Variants in DNM3 observed in about 807,000 individuals in gnomAD.
The protein encoded by DNM3 is dynamin-3.
Under a neutral mutation model 101.6 loss-of-function variants are expected in DNM3, and 47 were observed. That is an observed-to-expected ratio of 0.46 (90% CI 0.37 to 0.59). DNM3 has a LOEUF of 0.59. Among genes scored for constraint, DNM3 ranks in the 20% least tolerant of loss-of-function variants. The pLI is 0.00. For missense variants in DNM3, 849 were observed against 1,085.7 expected, an observed-to-expected ratio of 0.78 and a Z score of 3.06; for synonymous variants, 385 against 387.9, an observed-to-expected ratio of 0.99 and a Z score of 0.09.
intron 6 of DNM3, 28 bp downstream of exon 6, chr1:172,033,293 A>G (rs1558456748): frequency 6.4e-7 from 1 of 1,558,924 alleles, no homozygotes; most frequent in Non-Finnish European, 8.7e-7. Flanking sequence ...AGCAACAAGA[A>G]CAATTATGAA....
chr1:171,946,399 T>A (rs528396126), intron 2 of DNM3, among the ~76,000 whole-genome samples: 3 of 152,304 alleles, frequency 2.0e-5, no homozygotes, highest in Non-Finnish European at 2.9e-5. Context: ...AGCAGTCAAC[T>A]TTTTTGGAAG....
chr1:172,058,958 A>G (rs1242905863), intron 10 of DNM3, among the ~76,000 whole-genome samples: 2 of 152,224 alleles, frequency 1.3e-5, no homozygotes, highest in Non-Finnish European at 2.9e-5. Flanking sequence ...CAAGACTAAT[A>G]AAGGAGAAAA....
intron 14 of DNM3, among the ~76,000 whole-genome samples, chr1:172,222,952 T>C (rs1025292776): frequency 2.0e-5 from 3 of 152,152 alleles, no homozygotes; most frequent in Non-Finnish European, 4.4e-5. Context: ...ATTTTGTTTT[T>C]TACACATAGT....
At chr1:172,206,527 CT>C (rs1553417234) in intron 14 of DNM3, among the ~76,000 whole-genome samples, 11 of 151,460 alleles carry the variant, frequency 7.3e-5, no homozygotes, top group African/African-American at 2.4e-4. Flanking sequence ...AATAATACTG[CT>C]TTTTTTTTCT....
At chr1:172,233,853 A>T (rs2061433262) in intron 14 of DNM3, among the ~76,000 whole-genome samples, 2 of 152,230 alleles carry the variant, frequency 1.3e-5, no homozygotes, top group South Asian at 2.1e-4. Context: ...CTTCACGCTA[A>T]AAACTCTCAA....
At chr1:171,972,870 AAC>A (rs1491116014) in intron 2 of DNM3, among the ~76,000 whole-genome samples, 2,628 of 37,312 alleles carry the variant, frequency 0.07, 103 homozygotes, top group African/African-American at 0.13. Context: ...AAAAAACAAA[AAC>A]AACAACAACA....
chr1:172,109,876 A>C (rs2055332353), intron 13 of DNM3, among the ~76,000 whole-genome samples: 1 of 152,232 alleles, frequency 6.6e-6, no homozygotes, highest in Non-Finnish European at 1.5e-5. Context: ...CAGCTTGGGA[A>C]GAATATGGGT....
intron 2 of DNM3, among the ~76,000 whole-genome samples, chr1:171,978,624 A>T (rs539637552): frequency 3.3e-5 from 5 of 152,322 alleles, no homozygotes; most frequent in Admixed American, 3.3e-4. Context: ...AAGGCTTTAA[A>T]CAGGGGAGAA....
chr1:172,409,092 A>C lies in DNM3; in HGVS notation c.*1251A>C, dbSNP rs2071073345. 1.0e-6 allele frequency: 1 copy of C among 985,242 alleles called. No homozygotes were observed. 61.0% of individuals were successfully genotyped at this position (985,242 alleles called of 1,614,324 possible). A position where few individuals can be genotyped will look rare whatever the true frequency, so the allele number is the denominator to read the frequency against. ...AGTTTAGCCTGGGGGTTAATAGTTAAGTCTTGAGGCTAAGTTTTGGACTAC... is the reference window on the plus strand; with the variant it reads ...AGTTTAGCCTGGGGGTTAATAGTTACGTCTTGAGGCTAAGTTTTGGACTAC... On this transcript the variant is annotated 3_prime_UTR_variant, in exon 21 of 21. Transcript: ENST00000627582.
chr1:172,397,502 TAC>T (rs2070110639), intron 20 of DNM3, among the ~76,000 whole-genome samples: 1 of 152,214 alleles, frequency 6.6e-6, no homozygotes, highest in Non-Finnish European at 1.5e-5. Context: ...GTGATTAGCT[TAC>T]TTAAGTGTTC....
At chr1:172,213,977 A>C (rs1013039804) in intron 14 of DNM3, among the ~76,000 whole-genome samples, 1 of 152,164 alleles carries the variant, frequency 6.6e-6, no homozygotes, top group African/African-American at 2.4e-5. Context: ...AAGCAAATTT[A>C]ATCACTCCTT....
chr1:172,020,749 A>G (rs1453370727), intron 4 of DNM3, among the ~76,000 whole-genome samples: 2 of 150,024 alleles, frequency 1.3e-5, no homozygotes, highest in Admixed American at 1.3e-4. Context: ...AAAAAAGAAC[A>G]GAATGTTGTG....
chr1:172,323,292 A>T, intron 16 of DNM3, 37 bp from the exon 17 acceptor site: 1 of 1,570,084 alleles, frequency 6.4e-7, no homozygotes, highest in Non-Finnish European at 8.6e-7. Flanking sequence ...TCTGTTTAAC[A>T]TATTTCTCTT....
At chr1:172,014,104 C>G (rs139287076) in intron 4 of DNM3, among the ~76,000 whole-genome samples, 1 of 151,802 alleles carries the variant, frequency 6.6e-6, no homozygotes, top group Non-Finnish European at 1.5e-5. Context: ...CGATTTGCAA[C>G]GGTGAAAATA....
chr1:172,337,894 T>TTATTTTAATTC (rs2066511318), intron 17 of DNM3, among the ~76,000 whole-genome samples: 1 of 139,942 alleles, frequency 7.1e-6, no homozygotes, highest in African/African-American at 2.7e-5. Context: ...TTATTTTATT[T>TTATTTTAATTC]TATTTTATTT....
intron 20 of DNM3, among the ~76,000 whole-genome samples, chr1:172,402,287 CATAA>C (rs1036931474): frequency 1.6e-4 from 25 of 152,116 alleles, no homozygotes; most frequent in African/African-American, 4.6e-4. Flanking sequence ...CATTTTTTAT[CATAA>C]ATAAGTTTAA....
chr1:171,931,961 AC>A (rs2041040954), intron 2 of DNM3, among the ~76,000 whole-genome samples: 1 of 151,518 alleles, frequency 6.6e-6, no homozygotes, highest in Non-Finnish European at 1.5e-5. Context: ...TAATCCAAGG[AC>A]CATAATGTAT....
intron 14 of DNM3, among the ~76,000 whole-genome samples, chr1:172,217,316 G>T (rs892751347): frequency 2.6e-5 from 4 of 152,088 alleles, no homozygotes; most frequent in Non-Finnish European, 4.4e-5. Context: ...GCACTAAAAA[G>T]CTACTTTCAG....
intron 15 of DNM3, among the ~76,000 whole-genome samples, chr1:172,276,797 A>C (rs747735518): frequency 2.0e-5 from 3 of 152,050 alleles, no homozygotes; most frequent in Non-Finnish European, 4.4e-5. Flanking sequence ...TATGAGAATT[A>C]TAAGTTAGAC....
Sources: gnomAD v4.1 joint callset for allele counts (sites outside exome capture counted in the v4.1 genomes callset) on GRCh38, gnomAD v4.1.1 for gene constraint, MANE v1.5 for transcripts, NCBI Gene and HGNC (gene_info 2026-07-23, HGNC 2026-07-21) for gene names.